The following CPNE8 variants were observed in gnomAD, a reference collection of about 807,000 sequenced individuals.
CPNE8 encodes copine 8.
Under a neutral mutation model 81.5 loss-of-function variants are expected in CPNE8, and 45 were observed. The ratio of observed to expected loss-of-function variants is 0.55; its 90% confidence interval spans 0.44 to 0.71. CPNE8 has a LOEUF of 0.71. Among genes scored for constraint, CPNE8 ranks in the 30% least tolerant of loss-of-function variants. The probability of loss-of-function intolerance (pLI) is 0.00; values close to 1 mark genes in which losing one functional copy is unlikely to be tolerated. For synonymous variants in CPNE8, 252 were observed against 226.3 expected (o/e 1.11, Z -1.02); for missense variants, 594 against 672.1 (o/e 0.88, Z 1.28).
At chr12:38,682,567 T>C (rs540856149) in intron 16 of CPNE8, among the ~76,000 whole-genome samples, 10 of 152,290 alleles carry the variant, frequency 6.6e-5, no homozygotes, top group Middle Eastern at 3.4e-3. Flanking sequence ...CCTCATGTGG[T>C]ATTCAGATAA....
At chr12:38,678,112 A>G (rs1305239629) in intron 16 of CPNE8, among the ~76,000 whole-genome samples, 1 of 152,082 alleles carries the variant, frequency 6.6e-6, no homozygotes, top group Admixed American at 6.6e-5. Flanking sequence ...ACTAAATGTC[A>G]TTGAATGGTA....
chr12:38,754,512 A>T (rs1476639895), intron 10 of CPNE8, among the ~76,000 whole-genome samples: 1 of 152,022 alleles, frequency 6.6e-6, no homozygotes, highest in South Asian at 2.1e-4. Flanking sequence ...AATGTTGAAC[A>T]CATAATGAGT....
In CPNE8 at chr12:38,783,082, T is replaced by C. The variant is rs77659117; in HGVS notation, c.408-6781A>G. 3.7e-3 allele frequency among the ~76,000 whole-genome samples: 568 copies of C among 152,300 alleles called. 6 individuals carry two copies. The highest frequency in any genetic ancestry group is 0.013 in the African/African-American group (556 of 41,552). ...CTTCTTTTAACTGTATTCTTACATT[T>C]TGAGAGACATAGAATAATAAAACTC... is the stretch of plus-strand genomic sequence containing the variant. On this transcript the variant is annotated intron_variant, in intron 6 of 19. Coordinates refer to ENST00000331366, the MANE Select transcript of CPNE8 (RefSeq NM_153634.3).
At chr12:38,776,730 C>T (rs1394199642) in intron 6 of CPNE8, among the ~76,000 whole-genome samples, 1 of 151,980 alleles carries the variant, frequency 6.6e-6, no homozygotes. Flanking sequence ...AGTTATGCAT[C>T]ATCTAATTAT....
chr12:38,700,377 T>G (rs1430785324), intron 14 of CPNE8, among the ~76,000 whole-genome samples: 1 of 151,916 alleles, frequency 6.6e-6, no homozygotes, highest in African/African-American at 2.4e-5. Flanking sequence ...TAGCTGGGAT[T>G]ACAGGCGTGT....
chr12:38,752,075 T>C (rs1263854603), intron 10 of CPNE8, among the ~76,000 whole-genome samples: 2 of 152,228 alleles, frequency 1.3e-5, no homozygotes, highest in Non-Finnish European at 2.9e-5. Flanking sequence ...TTCATAAACA[T>C]CTGTGTTTAT....
intron 13 of CPNE8, among the ~76,000 whole-genome samples, chr12:38,708,396 A>G (rs1426185960): frequency 6.6e-6 from 1 of 152,018 alleles, no homozygotes; most frequent in African/African-American, 2.4e-5. Context: ...ATCCAAATTT[A>G]TATAAGATTA....
intron 13 of CPNE8, among the ~76,000 whole-genome samples, chr12:38,703,926 A>C (rs961832950): frequency 6.6e-6 from 1 of 152,212 alleles, no homozygotes; most frequent in African/African-American, 2.4e-5. Context: ...GCCACAAAAA[A>C]GAATAAAGTC....
chr12:38,861,860 G>A (rs1020606756), intron 3 of CPNE8, among the ~76,000 whole-genome samples: 1 of 152,008 alleles, frequency 6.6e-6, no homozygotes, highest in Admixed American at 6.5e-5. Context: ...GACATATAGA[G>A]TAGTGGTGAG....
intron 1 of CPNE8, among the ~76,000 whole-genome samples, chr12:38,892,481 G>A (rs1004467140): frequency 4.6e-5 from 7 of 152,160 alleles, no homozygotes; most frequent in African/African-American, 2.4e-5. Context: ...TGGAAAGGAG[G>A]TGACCGACAC....
rs1166996215 is a variant in CPNE8 at position 38,902,417 on chromosome 12, A to AAGAAAGAAAGAG, written c.98+3019_98+3020insCTCTTTCTTTCT. ...AGAGAAAGAAAGAAAGAAAGAAAGA[A>AAGAAAGAAAGAG]AAAGAAAGAAAGAAAGAAAGGAGAG... On this transcript the variant is annotated intron_variant, in intron 1 of 19. Transcript: ENST00000331366. 4.3e-3 allele frequency among the ~76,000 whole-genome samples: 311 copies of AAGAAAGAAAGAG among 72,874 alleles called. 26 individuals carry two copies. The highest frequency in any genetic ancestry group is 0.017 in the East Asian group (44 of 2,598). The allele number at this position is 72,874 out of a possible 152,430, so 47.8% of individuals were successfully genotyped here.
chr12:38,823,447 A>C (rs1034184462), intron 6 of CPNE8, among the ~76,000 whole-genome samples: 1 of 152,016 alleles, frequency 6.6e-6, no homozygotes, highest in Non-Finnish European at 1.5e-5. Context: ...TTAATTCTCC[A>C]CCCACTACCA....
chr12:38,754,701 T>G (rs371182352), intron 10 of CPNE8, among the ~76,000 whole-genome samples: 1 of 151,790 alleles, frequency 6.6e-6, no homozygotes, highest in Non-Finnish European at 1.5e-5. Flanking sequence ...GACAAAAAAT[T>G]CACAAGCTAG....
chr12:38,676,220 G>A, intron 17 of CPNE8: 1 of 707,762 alleles, frequency 1.4e-6, no homozygotes, highest in Non-Finnish European at 1.7e-6. Flanking sequence ...TAATTTGTGA[G>A]CATATTCAAA....
chr12:38,752,570 A>G (rs1292482766), intron 10 of CPNE8, among the ~76,000 whole-genome samples: 2 of 152,172 alleles, frequency 1.3e-5, no homozygotes, highest in Admixed American at 6.5e-5. Context: ...AATATTTTCA[A>G]TATCACCTCT....
At chr12:38,872,863 G>A (rs184581902) in intron 3 of CPNE8, 141 bp downstream of exon 3, 2 of 612,054 alleles carry the variant, frequency 3.3e-6, no homozygotes, top group Non-Finnish European at 5.8e-6. Context: ...AAACACAAAG[G>A]TAACTTTCCT....
At chr12:38,899,966 T>TAA (rs898621740) in intron 1 of CPNE8, among the ~76,000 whole-genome samples, 1 of 150,998 alleles carries the variant, frequency 6.6e-6, no homozygotes, top group Non-Finnish European at 1.5e-5. Flanking sequence ...TAGATGATTA[T>TAA]AAAAAAAAAC....
chr12:38,679,816 T>TA, intron 16 of CPNE8: 1 of 429,136 alleles, frequency 2.3e-6, no homozygotes, highest in Non-Finnish European at 3.1e-6. Context: ...TTAAAAATAT[T>TA]ATATATTTAA....
chr12:38,727,186 T>C (rs1940722458), intron 11 of CPNE8, among the ~76,000 whole-genome samples: 1 of 152,164 alleles, frequency 6.6e-6, no homozygotes, highest in Non-Finnish European at 1.5e-5. Context: ...TGATCACTCA[T>C]TCAAGACAAA....
Sources: allele counts gnomAD v4.1 joint callset (sites outside exome capture counted in the v4.1 genomes callset), GRCh38; gene constraint gnomAD v4.1.1; transcripts MANE v1.5; gene names NCBI Gene and HGNC (gene_info 2026-07-23, HGNC 2026-07-21).